EIF3B: variants seen among roughly 807,000 people sequenced by gnomAD.
EIF3B encodes eukaryotic translation initiation factor 3 subunit B, also known as eukaryotic translation initiation factor 3 subunit 9.
Under a neutral mutation model 104.6 loss-of-function variants are expected in EIF3B, and 10 were observed. The observed-to-expected ratio is 0.10, with a 90% CI of 0.06 to 0.16. EIF3B has a LOEUF of 0.16. Among genes scored for constraint, EIF3B ranks in the 10% least tolerant of loss-of-function variants. EIF3B has a pLI of 1.00. For synonymous variants in EIF3B, 542 were observed against 417.2 expected (o/e 1.30, Z -3.65); for missense variants, 1,014 against 1,087.9 (o/e 0.93, Z 0.96).
chr7:2,369,182 C>G (rs73673814), intron 9 of EIF3B, among the ~76,000 whole-genome samples: 1 of 152,094 alleles, frequency 6.6e-6, no homozygotes, highest in Admixed American at 6.6e-5. Flanking sequence ...AGTGGGCTGA[C>G]GGAGCCCAGG....
At chr7:2,377,255 A>G (rs748194854) in intron 15 of EIF3B, among the ~76,000 whole-genome samples, 180 bp downstream of exon 15, 11 of 152,244 alleles carry the variant, frequency 7.2e-5, no homozygotes, top group Admixed American at 3.3e-4. Context: ...CAGCTTTAGG[A>G]TAGTAACTTG....
At chr7:2,374,350 G>A (rs1780522053) in intron 12 of EIF3B, 178 bp from the exon 13 acceptor site, 7 of 548,400 alleles carry the variant, frequency 1.3e-5, no homozygotes, top group Admixed American at 5.7e-5. Context: ...TTTAAAGTAT[G>A]GATCATGACT....
In EIF3B at chr7:2,363,653, G is replaced by A; in HGVS notation, c.892G>A (p.Glu298Lys). ...KDLGNLRYWL[E>K]EAECRDQYSV... ...TAAGGGGAACTTACGTTACTGGCTT[G>A]AAGAGGCAGAATGCAGAGATCAGTA... Residue 298 changes from glutamate (E) to lysine (K), a missense_variant, in exon 5 of 19, where the codon GAA becomes AAA. By Grantham distance (56) the Glu-to-Lys change is moderately conservative. Around this residue, in one of 4 missense-constraint regions of EIF3B, gnomAD observed 201 missense variants for 240.7 expected, o/e 0.83. Coordinates refer to ENST00000360876, the MANE Select transcript of EIF3B (RefSeq NM_001037283.2). The A allele has an allele frequency of 6.2e-7, 1 of 1,609,180 alleles. No individual in the cohort carries two copies. The highest frequency in any genetic ancestry group is 8.5e-7 in the Non-Finnish European group (1 of 1,178,714).
chr7:2,366,894 G>C (rs1349017205), intron 8 of EIF3B, 105 bp from the exon 9 acceptor site: 1 of 1,262,384 alleles, frequency 7.9e-7, no homozygotes, highest in Non-Finnish European at 1.1e-6. Context: ...CTGCCCCCTA[G>C]GCAAACTCAC....
At chr7:2,379,761 GGT>G (rs1351732962) in intron 18 of EIF3B, 2 of 487,756 alleles carry the variant, frequency 4.1e-6, no homozygotes, top group Non-Finnish European at 7.5e-6. Flanking sequence ...GCTGTGGCCA[GGT>G]GTTGGGAAGT....
In EIF3B at chr7:2,361,581, G is replaced by A. The variant is rs182935467; in HGVS notation, c.692+679G>A. ...ACTACTGGCGCCCGCTACCACGCCC[G>A]GCTAATTTTTTGTATTTTTAGTAGA... On this transcript the variant is annotated intron_variant, in intron 2 of 18. Transcript: ENST00000360876. Among the ~76,000 whole-genome samples the A allele has an allele frequency of 3.0e-3, 462 of 151,890 alleles. 4 individuals are homozygous for A. The highest frequency in any genetic ancestry group is 0.011 in the African/African-American group (435 of 41,418).
At chr7:2,379,672 C>T (rs1297024676) in intron 18 of EIF3B, 161 bp downstream of exon 18, 11 of 611,944 alleles carry the variant, frequency 1.8e-5, no homozygotes, top group African/African-American at 5.5e-5. Flanking sequence ...AATGTAGAGT[C>T]GGTGCCGACG....
intron 10 of EIF3B, among the ~76,000 whole-genome samples, chr7:2,370,786 A>G (rs553317246): frequency 3.6e-4 from 54 of 151,848 alleles, no homozygotes; most frequent in African/African-American, 1.2e-3. Flanking sequence ...TTTAAAAGAT[A>G]GGAAAAAGGC....
intron 14 of EIF3B, chr7:2,375,982 G>A (rs1780608366): frequency 6.1e-6 from 1 of 163,532 alleles, no homozygotes; most frequent in Non-Finnish European, 1.3e-5. Flanking sequence ...ATTGATGGAG[G>A]CACTGATACT....
chr7:2,371,980 A>C (rs545009570), intron 11 of EIF3B, 131 bp downstream of exon 11: 7 of 722,570 alleles, frequency 9.7e-6, no homozygotes, highest in Admixed American at 8.8e-5. Flanking sequence ...ATGAATAGTC[A>C]TCTCCAGGTC....
chr7:2,361,881 A>G (rs761143661), intron 2 of EIF3B, among the ~76,000 whole-genome samples: 12 of 151,882 alleles, frequency 7.9e-5, no homozygotes, highest in Non-Finnish European at 1.2e-4. Flanking sequence ...GGTTCAAGCA[A>G]TTCTCCTGCC....
intron 17 of EIF3B, 61 bp downstream of exon 17, chr7:2,379,303 G>T: frequency 6.4e-7 from 1 of 1,561,046 alleles, no homozygotes. Context: ...GGGCCCTGGT[G>T]CCCGCGGACT....
Position 2,362,670 on chromosome 7 carries a change from C to T in EIF3B, c.718C>T (p.Pro240Ser), listed in dbSNP as rs759633167. 1.2e-6 allele frequency: 2 copies of T among 1,614,230 alleles called. No individual in the cohort carries two copies. The highest frequency in any genetic ancestry group is 1.1e-5 in the South Asian group (1 of 91,088). ...KGYIFLEYASPAHAVDAVKNA... is the reference protein window; with the variant it reads ...KGYIFLEYASSAHAVDAVKNA... ...GTATATTTTCCTGGAGTACGCGTCCCCTGCCCACGCTGTGGATGCTGTGAA... is the reference window on the plus strand; with the variant it reads ...GTATATTTTCCTGGAGTACGCGTCCTCTGCCCACGCTGTGGATGCTGTGAA... The change falls in exon 3 of 19, where the codon CCT becomes TCT. Residue 240 changes from proline (P) to serine (S), a missense_variant. Pro to Ser is a moderately conservative substitution (Grantham distance 74). Transcript: ENST00000360876.
chr7:2,362,991 A>G (rs1779821044), intron 3 of EIF3B, 79 bp from the exon 4 acceptor site: 2 of 1,547,596 alleles, frequency 1.3e-6, no homozygotes, highest in East Asian at 4.5e-5. Context: ...GGAGCACAGC[A>G]GGGCCATGCT....
chr7:2,357,784 T>C (rs1779532311), intron 1 of EIF3B, among the ~76,000 whole-genome samples: 1 of 152,232 alleles, frequency 6.6e-6, no homozygotes, highest in African/African-American at 2.4e-5. Flanking sequence ...TTACTTCATT[T>C]ATTTCCTTCC....
At chr7:2,370,020 G>A (rs1297174801) in intron 10 of EIF3B, among the ~76,000 whole-genome samples, 8 of 152,104 alleles carry the variant, frequency 5.3e-5, no homozygotes, top group Non-Finnish European at 1.0e-4. Context: ...TAGGTGATCT[G>A]CCCGCCTTGG....
At position 2,379,859 on chromosome 7, in the gene EIF3B, C is replaced by T. The variant is rs1583188402; in HGVS notation, c.*15-345C>T. 2.3e-5 allele frequency: 7 copies of T among 307,222 alleles called. No individual in the cohort carries two copies. In the East Asian group the frequency reaches 6.3e-4, roughly 27 times the overall value. 19.0% of individuals were successfully genotyped at this position (307,222 alleles called of 1,614,324 possible). A position where few individuals can be genotyped will look rare whatever the true frequency, so the allele number is the denominator to read the frequency against. ...GCGGTGTGTCCACTGGAAAGAAACA[C>T]TGGCGTGCACGGCTGTGACTGTGGT... On this transcript the variant is annotated intron_variant, in intron 18 of 18. Transcript: ENST00000360876.
At chr7:2,379,938 C>T (rs1431499894) in intron 18 of EIF3B, 2 of 258,070 alleles carry the variant, frequency 7.7e-6, no homozygotes, top group Non-Finnish European at 1.5e-5. Flanking sequence ...GAGCAGAGTG[C>T]GGGAGCTCCT....
chr7:2,374,281 T>C, intron 12 of EIF3B: 1 of 398,292 alleles, frequency 2.5e-6, no homozygotes, highest in Non-Finnish European at 4.6e-6. Flanking sequence ...TCCAGTTACC[T>C]CAGGAAATAA....
Sources: gnomAD v4.1 joint callset for allele counts (sites outside exome capture counted in the v4.1 genomes callset) on GRCh38, gnomAD v4.1.1 for gene constraint, gnomAD v4.1.1 regional missense constraint, MANE v1.5 for transcripts, NCBI Gene and HGNC (gene_info 2026-07-23, HGNC 2026-07-21) for gene names.